The following MACROD2 variants were observed in gnomAD, a reference collection of about 807,000 sequenced individuals.
MACROD2 encodes ADP-ribose glycohydrolase MACROD2.
In MACROD2, 36 loss-of-function variants were observed where a neutral mutation model predicts 70.4. The observed-to-expected ratio is 0.51, with a 90% CI of 0.39 to 0.68. The LOEUF is 0.68. MACROD2 is among the 30% of genes least tolerant of loss of function. MACROD2 has a pLI of 0.00. For synonymous variants in MACROD2, 172 were observed against 178.8 expected (o/e 0.96, Z 0.30); for missense variants, 496 against 538.4 (o/e 0.92, Z 0.78).
At chr20:15,035,428 AAAT>A (rs774625833) in intron 5 of MACROD2, among the ~76,000 whole-genome samples, 1 of 119,510 alleles carries the variant, frequency 8.4e-6, no homozygotes, top group African/African-American at 4.0e-5. Context: ...AAATAAAATA[AAAT>A]AATAAAATGT....
At chr20:15,793,209 T>C (rs943469005) in intron 8 of MACROD2, among the ~76,000 whole-genome samples, 4 of 152,170 alleles carry the variant, frequency 2.6e-5, no homozygotes, top group African/African-American at 9.7e-5. Context: ...TTGTGTAGAA[T>C]ACTTGTTCTC....
intron 6 of MACROD2, among the ~76,000 whole-genome samples, chr20:15,334,039 TTC>T (rs1443773037): frequency 6.6e-6 from 1 of 151,668 alleles, no homozygotes; most frequent in Non-Finnish European, 1.5e-5. Flanking sequence ...TCAGTTATCA[TTC>T]TCTCTGCTCC....
chr20:15,528,282 G>C (rs1019034913), intron 8 of MACROD2, among the ~76,000 whole-genome samples: 2 of 152,112 alleles, frequency 1.3e-5, no homozygotes, highest in Non-Finnish European at 2.9e-5. Flanking sequence ...CTACAGGCAT[G>C]TGCCACCACA....
At chr20:14,834,612 C>G (rs895429028) in intron 5 of MACROD2, among the ~76,000 whole-genome samples, 1 of 151,958 alleles carries the variant, frequency 6.6e-6, no homozygotes, top group Non-Finnish European at 1.5e-5. Context: ...GAAGATACTT[C>G]AAAATATATT....
intron 2 of MACROD2, among the ~76,000 whole-genome samples, chr20:14,059,706 A>G (rs2053670599): frequency 6.6e-6 from 1 of 152,206 alleles, no homozygotes; most frequent in Admixed American, 6.5e-5. Flanking sequence ...GAATTTTGTC[A>G]GGCATTTGAG....
At chr20:14,089,026 G>T (rs1008095204) in intron 3 of MACROD2, among the ~76,000 whole-genome samples, 16 of 152,072 alleles carry the variant, frequency 1.1e-4, no homozygotes, top group Non-Finnish European at 2.1e-4. Flanking sequence ...TCTTGCTCTT[G>T]CCTAAATGTA....
chr20:15,136,773 G>A (rs1031134319), intron 5 of MACROD2, among the ~76,000 whole-genome samples: 25 of 152,172 alleles, frequency 1.6e-4, no homozygotes, highest in African/African-American at 5.1e-4. Flanking sequence ...GAATGAACAG[G>A]CAACCTACAG....
intron 5 of MACROD2, among the ~76,000 whole-genome samples, chr20:14,697,251 G>A (rs2071137358): frequency 6.6e-6 from 1 of 152,128 alleles, no homozygotes; most frequent in Non-Finnish European, 1.5e-5. Flanking sequence ...ATTAACAAAA[G>A]TTATTTTGAT....
intron 5 of MACROD2, among the ~76,000 whole-genome samples, chr20:14,817,764 G>C (rs2072790038): frequency 6.6e-6 from 1 of 152,166 alleles, no homozygotes; most frequent in African/African-American, 2.4e-5. Flanking sequence ...AGAGTTAAGG[G>C]ACAACGGAGG....
chr20:15,626,539 T>C (rs2049205134), intron 8 of MACROD2, among the ~76,000 whole-genome samples: 1 of 152,192 alleles, frequency 6.6e-6, no homozygotes, highest in Admixed American at 6.5e-5. Context: ...AAAAGGTTTA[T>C]ATTATGTTAT....
At chr20:15,137,204 A>G (rs1024228263) in intron 5 of MACROD2, among the ~76,000 whole-genome samples, 3 of 150,376 alleles carry the variant, frequency 2.0e-5, no homozygotes, top group African/African-American at 4.9e-5. Context: ...CCATCCCATT[A>G]CTGGGTATAT....
chr20:15,704,736 G>A (rs6043466), intron 8 of MACROD2, among the ~76,000 whole-genome samples: 1,589 of 152,310 alleles, frequency 0.01, 31 homozygotes, highest in African/African-American at 0.035. Flanking sequence ...AAATAGAATA[G>A]GAGTTGAAAG....
chr20:15,837,929 G>C (rs2064131800), intron 8 of MACROD2, among the ~76,000 whole-genome samples: 1 of 152,104 alleles, frequency 6.6e-6, no homozygotes, highest in South Asian at 2.1e-4. Flanking sequence ...AAAATAATCA[G>C]ATATCCTAAA....
At chr20:15,381,241 C>T (rs979361118) in intron 6 of MACROD2, among the ~76,000 whole-genome samples, 1 of 151,576 alleles carries the variant, frequency 6.6e-6, no homozygotes, top group Non-Finnish European at 1.5e-5. Context: ...AAACATTTAC[C>T]AGCACAGCGC....
intron 8 of MACROD2, among the ~76,000 whole-genome samples, chr20:15,840,588 G>A (rs887560550): frequency 2.0e-5 from 3 of 152,114 alleles, no homozygotes; most frequent in African/African-American, 7.2e-5. Context: ...CCACAGAGTT[G>A]AACCTGGATG....
chr20:15,369,923 A>C (rs1449547146), intron 6 of MACROD2, among the ~76,000 whole-genome samples: 1 of 152,164 alleles, frequency 6.6e-6, no homozygotes, highest in African/African-American at 2.4e-5. Flanking sequence ...TTGCACCTGG[A>C]ATCATTTCAT....
chr20:15,225,159 A>G (rs2076894857), intron 5 of MACROD2, among the ~76,000 whole-genome samples: 1 of 152,200 alleles, frequency 6.6e-6, no homozygotes, highest in East Asian at 1.9e-4. Context: ...TAAAGAAATT[A>G]TTGAGGCTAG....
chr20:14,924,254 C>T (rs902851565), intron 5 of MACROD2, among the ~76,000 whole-genome samples: 1 of 146,812 alleles, frequency 6.8e-6, no homozygotes, highest in Non-Finnish European at 1.5e-5. Flanking sequence ...TGAGGCCAAG[C>T]CTGGCCAAAC....
intron 3 of MACROD2, among the ~76,000 whole-genome samples, chr20:14,162,380 G>GTCCATGTGGTCTAATATGCACTTTAAA: frequency 6.6e-6 from 1 of 152,088 alleles, no homozygotes; most frequent in African/African-American, 2.4e-5. Context: ...TATCTGTTAG[G>GTCCATGTGGTCTAATATGCACTTTAAA]TCCATGTGGT....
Sources: allele counts gnomAD v4.1 joint callset (sites outside exome capture counted in the v4.1 genomes callset), GRCh38; gene constraint gnomAD v4.1.1; transcripts MANE v1.5; gene names NCBI Gene and HGNC (gene_info 2026-07-23, HGNC 2026-07-21).